GLI3: variants seen among roughly 807,000 people sequenced by gnomAD.
The protein encoded by GLI3 is transcription activator GLI3.
A neutral mutation model predicts 100.8 loss-of-function variants in GLI3; 20 were observed. The observed-to-expected ratio is 0.20, with a 90% CI of 0.14 to 0.29. GLI3 has a LOEUF of 0.29. GLI3 is among the 10% of genes least tolerant of loss of function. The probability of loss-of-function intolerance (pLI) is 1.00; values close to 1 mark genes in which losing one functional copy is unlikely to be tolerated. For synonymous variants in GLI3, 938 were observed against 860.5 expected (o/e 1.09, Z -1.58); for missense variants, 2,040 against 2,128.5 (o/e 0.96, Z 0.82).
chr7:42,216,181 CCCT>C (rs1788373459), intron 2 of GLI3, among the ~76,000 whole-genome samples: 1 of 152,168 alleles, frequency 6.6e-6, no homozygotes, highest in African/African-American at 2.4e-5. Context: ...ATGTCCCCTG[CCCT>C]CCTGTCTCAA....
chr7:42,239,323 TG>T (rs1788899187), upstream of GLI3, among the ~76,000 whole-genome samples: 1 of 152,082 alleles, frequency 6.6e-6, no homozygotes, highest in African/African-American at 2.4e-5. Flanking sequence ...GTGTTAGGAG[TG>T]CCAGGTCGCG....
At chr7:42,138,672 C>T (rs910570888) in intron 3 of GLI3, among the ~76,000 whole-genome samples, 3 of 152,174 alleles carry the variant, frequency 2.0e-5, no homozygotes, top group South Asian at 2.1e-4. Flanking sequence ...GCTTATTCCA[C>T]GAAAGCAAAC....
rs752525209 is a variant in GLI3, at chr7:42,048,670, G to A, written c.500C>T (p.Thr167Met). ...CCTAATGAAGGGCAGGTCCGGATAC[G>A]TAGGGCTACTAGATAAGGCGGAAGT... is the stretch of plus-strand genomic sequence containing the variant. ...HMTSALSSSPTYPDLPFIRIS... is the reference protein window; with the variant it reads ...HMTSALSSSPMYPDLPFIRIS... The change falls in exon 5 of 15, where the codon ACG becomes ATG. Residue 167 changes from threonine (T) to methionine (M), a missense_variant. By Grantham distance (81) the Thr-to-Met change is moderately conservative. Around this residue, in one of 5 missense-constraint regions of GLI3, gnomAD observed 603 missense variants for 690.9 expected, o/e 0.87. Coordinates refer to ENST00000395925, the MANE Select transcript of GLI3 (RefSeq NM_000168.6). 3.3e-5 allele frequency: 53 copies of A among 1,609,702 alleles called. No individual in the cohort carries two copies. Among genetic ancestry groups the A allele is most frequent in the South Asian group, 1.5e-4 (14 of 90,762 alleles).
intron 2 of GLI3, among the ~76,000 whole-genome samples, chr7:42,156,337 G>A (rs1398506882): frequency 6.6e-6 from 1 of 152,192 alleles, no homozygotes; most frequent in African/African-American, 2.4e-5. Flanking sequence ...CACAGAGTGA[G>A]TTAATTAGTG....
intron 2 of GLI3, among the ~76,000 whole-genome samples, chr7:42,213,381 C>A (rs1047795411): frequency 1.9e-4 from 29 of 152,310 alleles, no homozygotes; most frequent in African/African-American, 6.3e-4. Flanking sequence ...TTGACCTTTT[C>A]TACATTTATT....
chr7:42,115,880 G>A (rs1243309464), intron 3 of GLI3, among the ~76,000 whole-genome samples: 1 of 152,066 alleles, frequency 6.6e-6, no homozygotes, highest in Non-Finnish European at 1.5e-5. Context: ...GGTGGCAAGT[G>A]TTAACAACTG....
upstream of GLI3, among the ~76,000 whole-genome samples, chr7:42,240,467 G>A (rs1788913441): frequency 6.6e-6 from 1 of 152,100 alleles, no homozygotes; most frequent in African/African-American, 2.4e-5. Flanking sequence ...GTCTTGCAGG[G>A]CCACACTCCC....
intron 4 of GLI3, among the ~76,000 whole-genome samples, chr7:42,069,246 G>A (rs866556517): frequency 6.6e-6 from 1 of 152,182 alleles, no homozygotes; most frequent in African/African-American, 2.4e-5. Flanking sequence ...ACCGAATTCA[G>A]TATTTCAGTC....
chr7:42,231,314 C>T (rs569982604), intron 1 of GLI3, among the ~76,000 whole-genome samples: 1 of 152,222 alleles, frequency 6.6e-6, no homozygotes. Context: ...ACTTTTGATC[C>T]TTGATTCTTA....
intron 4 of GLI3, among the ~76,000 whole-genome samples, chr7:42,066,350 C>T (rs1006568704): frequency 9.9e-5 from 15 of 152,126 alleles, no homozygotes; most frequent in African/African-American, 3.4e-4. Context: ...AATTCAACTT[C>T]CACAACTCCC....
intron 10 of GLI3, among the ~76,000 whole-genome samples, chr7:41,982,382 A>G (rs1180427277): frequency 2.0e-5 from 3 of 152,200 alleles, no homozygotes; most frequent in African/African-American, 7.2e-5. Context: ...GAACTCACAG[A>G]CTTAACATGT....
intron 2 of GLI3, among the ~76,000 whole-genome samples, chr7:42,203,032 GA>G (rs1788078024): frequency 6.6e-6 from 1 of 152,194 alleles, no homozygotes; most frequent in African/African-American, 2.4e-5. Context: ...CAGTCTTGAA[GA>G]ACAAGTGCGA....
chr7:42,123,604 T>A (rs1786054751), intron 3 of GLI3, among the ~76,000 whole-genome samples: 2 of 152,256 alleles, frequency 1.3e-5, no homozygotes, highest in South Asian at 4.1e-4. Context: ...ATAACTGGTA[T>A]TCCATCTTTA....
chr7:42,099,747 T>C (rs1785418679), intron 3 of GLI3, among the ~76,000 whole-genome samples: 1 of 152,218 alleles, frequency 6.6e-6, no homozygotes, highest in Non-Finnish European at 1.5e-5. Context: ...CCCAGGCTGG[T>C]CCCGTACTTG....
intron 7 of GLI3, among the ~76,000 whole-genome samples, chr7:42,039,414 C>T (rs1784084746): frequency 6.6e-6 from 1 of 152,218 alleles, no homozygotes; most frequent in Non-Finnish European, 1.5e-5. Context: ...AAGCAAGGAA[C>T]TATCCACGGT....
chr7:42,077,370 C>CT lies in GLI3; in HGVS notation c.368-514dup, dbSNP rs1554323165. On this transcript the variant is annotated intron_variant, in intron 3 of 14. Coordinates refer to ENST00000395925, the MANE Select transcript of GLI3 (RefSeq NM_000168.6). ...GATATACACATGCATGCATGTGCTTCTTTTTTTTTTTTTTAACTTAAATAC... is the reference window on the plus strand; with the variant it reads ...GATATACACATGCATGCATGTGCTTCTTTTTTTTTTTTTTTAACTTAAATAC... 2.9e-3 allele frequency among the ~76,000 whole-genome samples: 324 copies of CT among 110,244 alleles called. 1 individual carries two copies. Among genetic ancestry groups the CT allele is most frequent in the Middle Eastern group, 0.013 (3 of 232 alleles). The allele number at this position is 110,244 out of a possible 152,430, so 72.3% of individuals were successfully genotyped here. A position where few individuals can be genotyped will look rare whatever the true frequency, so the allele number is the denominator to read the frequency against.
At chr7:42,058,036 A>T (rs1784497732) in intron 4 of GLI3, among the ~76,000 whole-genome samples, 1 of 152,222 alleles carries the variant, frequency 6.6e-6, no homozygotes, top group Admixed American at 6.5e-5. Context: ...CCCAAAAGCT[A>T]TTGAAATAAA....
chr7:42,047,690 G>A (rs951863212), intron 5 of GLI3, among the ~76,000 whole-genome samples: 1 of 152,174 alleles, frequency 6.6e-6, no homozygotes, highest in Admixed American at 6.5e-5. Context: ...AAGTAATGGG[G>A]GGACTAACAG....
At chr7:42,006,805 G>C (rs938802715) in intron 10 of GLI3, among the ~76,000 whole-genome samples, 1 of 152,146 alleles carries the variant, frequency 6.6e-6, no homozygotes, top group African/African-American at 2.4e-5. Flanking sequence ...GGGAGGCCCT[G>C]GTAAGTGCAT....
Sources: allele counts gnomAD v4.1 joint callset (sites outside exome capture counted in the v4.1 genomes callset), GRCh38; gene constraint gnomAD v4.1.1; regional missense constraint gnomAD v4.1.1; transcripts MANE v1.5; gene names NCBI Gene and HGNC (gene_info 2026-07-23, HGNC 2026-07-21).